The following DUSP29 variants were observed in gnomAD, a reference collection of about 807,000 sequenced individuals.
The protein encoded by DUSP29 is dual specificity phosphatase 29, also known as atypical dual-specific protein phosphatase.
A neutral mutation model predicts 13.5 loss-of-function variants in DUSP29; 12 were observed. That is an observed-to-expected ratio of 0.89 (90% CI 0.57 to 1.44). The LOEUF is 1.44. Among genes scored for constraint, DUSP29 ranks in the 40% most tolerant of loss-of-function variants. The pLI is 0.00. For synonymous variants in DUSP29, 134 were observed against 128.7 expected (o/e 1.04, Z -0.28); for missense variants, 308 against 301.1 (o/e 1.02, Z -0.17).
chr10:75,046,636 G>A (rs1382753672), intron 2 of DUSP29, among the ~76,000 whole-genome samples: 1 of 152,250 alleles, frequency 6.6e-6, no homozygotes, highest in Non-Finnish European at 1.5e-5. Flanking sequence ...GGCATGGGGA[G>A]GTGGGGAGTC....
At chr10:75,065,755 A>G (rs770298977) in intron 1 of DUSP29, among the ~76,000 whole-genome samples, 7 of 151,808 alleles carry the variant, frequency 4.6e-5, no homozygotes, top group Non-Finnish European at 1.0e-4. Flanking sequence ...CAGTGGTTCA[A>G]TCATGGCTCG....
chr10:75,058,431 C>T lies in DUSP29; in HGVS notation c.84G>A (p.Gly28=), dbSNP rs761159562. 4.3e-6 allele frequency: 7 copies of T among 1,614,142 alleles called. No individual in the cohort carries two copies. Among genetic ancestry groups the T allele is most frequent in the Admixed American group, 1.7e-5 (1 of 60,010 alleles). The change falls in exon 2 of 4, where the codon GGG becomes GGA. Residue 28 remains glycine (G), a synonymous_variant. Transcript: ENST00000338487. ...KRLSPKMEEE[G]EEEDYCTPGA... ...CAGGGGTGCAGTAGTCCTCCTCCTC[C>T]CCTTCCTCCTCCATCTTCGGCGACA...
chr10:75,070,856 G>T (rs1589871625), intron 1 of DUSP29, among the ~76,000 whole-genome samples: 1 of 152,336 alleles, frequency 6.6e-6, no homozygotes, highest in Admixed American at 6.5e-5. Flanking sequence ...CCTCGTTACT[G>T]TGGAACGGGT....
rs1846644903 is a variant in DUSP29 at position 75,043,884 on chromosome 10, C to T, written c.334G>A (p.Glu112Lys). 3 of 1,613,948 alleles carry T rather than the reference C, an allele frequency of 1.9e-6. No homozygotes were observed. The highest frequency in any genetic ancestry group is 2.5e-6 in the Non-Finnish European group (3 of 1,179,958). Residue 112 changes from glutamate (E) to lysine (K), a missense_variant, in exon 3 of 4, where the codon GAG (glutamate) becomes AAG (lysine). Glu to Lys is a moderately conservative substitution (Grantham distance 56). Transcript: ENST00000338487. ...TCGAAGGTGGGCAGGTCGTCGGCCT[C>T]CACGCCGTGGTACTGGATGTCCATG... ...RDMDIQYHGV[E>K]ADDLPTFDLS...
intron 3 of DUSP29, among the ~76,000 whole-genome samples, chr10:75,041,628 A>T (rs72803467): frequency 0.14 from 20,712 of 152,168 alleles, 2,864 homozygotes; most frequent in African/African-American, 0.36. Flanking sequence ...TAGATATGCC[A>T]GTGCAAAGGT....
Position 75,037,560 on chromosome 10 carries a change from C to T in DUSP29, c.*276G>A, listed in dbSNP as rs915060395. On this transcript the variant is annotated 3_prime_UTR_variant, in exon 4 of 4. Transcript: ENST00000338487. ...CTTCCTTCTCACCAAAAAAACAAAA[C>T]CAAAGCAGGAGACTTGGTGCAGCGT... 3.3e-5 allele frequency among the ~76,000 whole-genome samples: 5 copies of T among 152,216 alleles called. No homozygotes were observed. The highest frequency in any genetic ancestry group is 9.7e-5 in the African/African-American group (4 of 41,450).
intron 2 of DUSP29, among the ~76,000 whole-genome samples, chr10:75,050,378 G>A (rs1418495210): frequency 6.6e-6 from 1 of 152,326 alleles, no homozygotes; most frequent in East Asian, 1.9e-4. Context: ...CATCATTGAC[G>A]CCAGTCCCTG....
chr10:75,058,320 G>A lies in DUSP29; in HGVS notation c.195C>T (p.Gly65=), dbSNP rs758241999. 8.1e-6 allele frequency: 13 copies of A among 1,612,048 alleles called. No individual in the cohort carries two copies. The highest frequency in any genetic ancestry group is 6.7e-5 in the Admixed American group (4 of 59,958). The change falls in exon 2 of 4, where the codon GGC becomes GGT. Residue 65 remains glycine (G), a synonymous_variant. Coordinates refer to ENST00000338487, the MANE Select transcript of DUSP29 (RefSeq NM_001003892.3). The part of the protein sequence containing the change: ...VNEVWPKLYI[G]DEATALDRYR... The stretch of plus-strand genomic sequence containing the variant: ...GCCTGGGCCTGGGCACTTACTCATC[G>A]CCAATGTAGAGCTTGGGCCAGACCT...
intron 1 of DUSP29, among the ~76,000 whole-genome samples, chr10:75,065,873 A>ATTTT (rs1326400373): frequency 1.3e-5 from 2 of 151,364 alleles, no homozygotes; most frequent in Non-Finnish European, 2.9e-5. Flanking sequence ...TATTATTATT[A>ATTTT]TCATTTATTT....
At chr10:75,063,909 C>T (rs1847141042) in intron 1 of DUSP29, among the ~76,000 whole-genome samples, 1 of 152,134 alleles carries the variant, frequency 6.6e-6, no homozygotes, top group Non-Finnish European at 1.5e-5. Flanking sequence ...AAAAACAAAG[C>T]TACCATGATA....
At chr10:75,052,640 C>T (rs889245261) in intron 2 of DUSP29, among the ~76,000 whole-genome samples, 2 of 151,832 alleles carry the variant, frequency 1.3e-5, no homozygotes, top group Admixed American at 1.3e-4. Flanking sequence ...TTAGTAGAGG[C>T]GGGGTTTTGC....
At chr10:75,063,639 T>C (rs1389904564) in intron 1 of DUSP29, among the ~76,000 whole-genome samples, 1 of 152,024 alleles carries the variant, frequency 6.6e-6, no homozygotes, top group African/African-American at 2.4e-5. Context: ...TCTGCTCGCT[T>C]ACACATCCTT....
intron 2 of DUSP29, among the ~76,000 whole-genome samples, chr10:75,056,502 C>CAA (rs530173844): frequency 9.8e-6 from 1 of 101,726 alleles, no homozygotes; most frequent in Non-Finnish European, 2.1e-5. Context: ...AGGGACATCT[C>CAA]AAAAAAAAAA....
At chr10:75,055,605 A>G (rs946954427) in intron 2 of DUSP29, among the ~76,000 whole-genome samples, 2 of 152,172 alleles carry the variant, frequency 1.3e-5, no homozygotes, top group African/African-American at 4.8e-5. Context: ...ATGGGGAGTG[A>G]CTGTTTAGTG....
At chr10:75,052,689 C>T (rs940089012) in intron 2 of DUSP29, among the ~76,000 whole-genome samples, 3 of 151,806 alleles carry the variant, frequency 2.0e-5, no homozygotes, top group Non-Finnish European at 4.4e-5. Flanking sequence ...TGACTTCAAG[C>T]GAGCCACCTG....
chr10:75,059,102 C>T (rs56124122), intron 1 of DUSP29, among the ~76,000 whole-genome samples: 16,210 of 152,144 alleles, frequency 0.11, 1,130 homozygotes, highest in South Asian at 0.27. Flanking sequence ...GGGGAGGAAA[C>T]CTGGCTGCAT....
Position 75,044,030 on chromosome 10 carries a change from G to A in DUSP29, c.201-13C>T, listed in dbSNP as rs1040359020. The A allele has an allele frequency of 6.3e-7, 1 of 1,598,982 alleles. No individual in the cohort carries two copies. The highest frequency in any genetic ancestry group is 8.5e-7 in the Non-Finnish European group (1 of 1,172,056). On this transcript the variant is annotated splice_polypyrimidine_tract_variant and intron_variant, in intron 2 of 3. Transcript: ENST00000338487. Reference sequence around the variant, plus strand: ...CAGCGCCGTCGCCCTGGGCGCAGGGGAGAGAAATCTGTGGGCGCGCGGCGC... The same window carrying A: ...CAGCGCCGTCGCCCTGGGCGCAGGGAAGAGAAATCTGTGGGCGCGCGGCGC...
intron 2 of DUSP29, among the ~76,000 whole-genome samples, chr10:75,055,222 T>C (rs1846932546): frequency 6.7e-6 from 1 of 149,158 alleles, no homozygotes; most frequent in South Asian, 2.1e-4. Flanking sequence ...AGTCCCTCCT[T>C]TTTTTTTTTG....
At chr10:75,042,680 A>G (rs754270068) in intron 3 of DUSP29, among the ~76,000 whole-genome samples, 3 of 152,206 alleles carry the variant, frequency 2.0e-5, no homozygotes, top group Non-Finnish European at 4.4e-5. Context: ...CCACCTTGGG[A>G]TGTCCATTAA....
Sources: gnomAD v4.1 joint callset for allele counts (sites outside exome capture counted in the v4.1 genomes callset) on GRCh38, gnomAD v4.1.1 for gene constraint, MANE v1.5 for transcripts, NCBI Gene and HGNC (gene_info 2026-07-23, HGNC 2026-07-21) for gene names.